CCNY: variants seen among roughly 807,000 people sequenced by gnomAD.
CCNY encodes the protein cyclin-Y.
A neutral mutation model predicts 42.8 loss-of-function variants in CCNY; 19 were observed. That is an observed-to-expected ratio of 0.44 (90% CI 0.31 to 0.65). The LOEUF is 0.65. CCNY is among the 30% of genes least tolerant of loss of function. The pLI is 0.07. For synonymous variants in CCNY, 165 were observed against 162.7 expected (o/e 1.01, Z -0.11); for missense variants, 370 against 437.3 (o/e 0.85, Z 1.37).
At chr10:35,490,714 G>T (rs1376345230) in intron 2 of CCNY, among the ~76,000 whole-genome samples, 1 of 152,238 alleles carries the variant, frequency 6.6e-6, no homozygotes, top group Non-Finnish European at 1.5e-5. Flanking sequence ...GCCACAGGAG[G>T]CTGGCAGGAG....
chr10:35,501,858 C>A (rs1290271745), intron 3 of CCNY, among the ~76,000 whole-genome samples: 1 of 152,184 alleles, frequency 6.6e-6, no homozygotes, highest in Non-Finnish European at 1.5e-5. Flanking sequence ...TCTCTACCCT[C>A]ACCCCCAAAT....
exon 3 of CCNY, chr10:35,250,525 T>C (rs886072357): frequency 3.3e-5 from 5 of 152,334 alleles, no homozygotes; most frequent in Admixed American, 1.3e-4. Context: ...ATTCTAGAAC[T>C]GCCGGGTGAA....
At chr10:35,280,914 A>C (rs532895087) in intron 3 of CCNY, among the ~76,000 whole-genome samples, 118 of 152,320 alleles carry the variant, frequency 7.7e-4, no homozygotes, top group Non-Finnish European at 1.4e-3. Flanking sequence ...AAAGACATAC[A>C]ATCTAAATAA....
At chr10:35,484,017 A>G (rs1396542498) in intron 2 of CCNY, among the ~76,000 whole-genome samples, 1 of 152,080 alleles carries the variant, frequency 6.6e-6, no homozygotes, top group Non-Finnish European at 1.5e-5. Context: ...GGTTCATCCC[A>G]GGTGTGTGTG....
intron 1 of CCNY, among the ~76,000 whole-genome samples, chr10:35,482,792 G>GTTA (rs1489577669): frequency 7.7e-6 from 1 of 130,430 alleles, no homozygotes; most frequent in African/African-American, 2.8e-5. Flanking sequence ...GTGTGTGTGT[G>GTTA]TGTGTGTGTT....
chr10:35,478,740 A>T (rs1201169464), intron 1 of CCNY, among the ~76,000 whole-genome samples: 3 of 152,234 alleles, frequency 2.0e-5, no homozygotes, highest in Non-Finnish European at 4.4e-5. Context: ...CAAGGACTTC[A>T]TGTCTAAAAC....
Position 35,569,044 on chromosome 10 carries a change from T to G in CCNY, c.910-10T>G. The G allele has an allele frequency of 6.3e-7, 1 of 1,578,316 alleles. No individual in the cohort carries two copies. The highest frequency in any genetic ancestry group is 1.1e-5 in the South Asian group (1 of 90,394). ...CCGCCCTGACCCACACTGTCTTTCTTGCCCCTCAGGCCATCTCTCGCCTCT... is the reference window on the plus strand; with the variant it reads ...CCGCCCTGACCCACACTGTCTTTCTGGCCCCTCAGGCCATCTCTCGCCTCT... On this transcript the variant is annotated splice_polypyrimidine_tract_variant and intron_variant, in intron 9 of 9. Coordinates refer to ENST00000374704, the MANE Select transcript of CCNY (RefSeq NM_145012.6).
chr10:35,295,030 C>T (rs936999874), intron 3 of CCNY, among the ~76,000 whole-genome samples: 1 of 151,824 alleles, frequency 6.6e-6, no homozygotes, highest in Non-Finnish European at 1.5e-5. Flanking sequence ...CAGCTGGGAC[C>T]TGTAGTCCCA....
chr10:35,374,307 A>C (rs962489600), intron 1 of CCNY, among the ~76,000 whole-genome samples: 1 of 152,310 alleles, frequency 6.6e-6, no homozygotes, highest in East Asian at 1.9e-4. Context: ...CATTGTTTCC[A>C]GGTAGCCAAT....
chr10:35,568,418 G>A (rs147149587), intron 9 of CCNY, among the ~76,000 whole-genome samples: 136 of 152,360 alleles, frequency 8.9e-4, no homozygotes, highest in Admixed American at 2.9e-3. Flanking sequence ...CCCAGTGGCA[G>A]CCCTGGGAGA....
chr10:35,465,372 C>G (rs901397701), intron 1 of CCNY, among the ~76,000 whole-genome samples: 1 of 152,118 alleles, frequency 6.6e-6, no homozygotes, highest in Admixed American at 6.5e-5. Flanking sequence ...GAGGTCGTCA[C>G]GTATATTTCT....
rs554617472 is a variant in CCNY, at chr10:35,330,506, G to A, written c.-9+79880G>A. 1.6e-4 allele frequency among the ~76,000 whole-genome samples: 24 copies of A among 152,272 alleles called. No individual in the cohort carries two copies. In the South Asian group the frequency reaches 5.0e-3, roughly 32 times the overall value. ...AGGAAAACTGTCAACATGAATATAT[G>A]AAGCTCTTATCAATGAATAATACCA... On this transcript the variant is annotated intron_variant, in intron 3 of 11. Coordinates refer to the CCNY transcript ENST00000374706.
At chr10:35,344,938 G>T (rs1383910644) in intron 1 of CCNY, among the ~76,000 whole-genome samples, 1 of 152,192 alleles carries the variant, frequency 6.6e-6, no homozygotes, top group Non-Finnish European at 1.5e-5. Context: ...GTATTCCCTG[G>T]TGTATACGTG....
chr10:35,375,096 T>C (rs1837022602), intron 1 of CCNY, among the ~76,000 whole-genome samples: 1 of 152,182 alleles, frequency 6.6e-6, no homozygotes, highest in Admixed American at 6.5e-5. Context: ...GGACTTATAC[T>C]GTGTTAATTT....
Position 35,337,090 on chromosome 10 carries a change from C to T in CCNY, c.37C>T (p.Pro13Ser). The T allele has an allele frequency of 6.3e-7, 1 of 1,596,008 alleles. No individual in the cohort carries two copies. Among genetic ancestry groups the T allele is most frequent in the Non-Finnish European group, 8.5e-7 (1 of 1,173,134 alleles). Residue 13 changes from proline (P) to serine (S), a missense_variant, in exon 1 of 10, where the codon CCC becomes TCC. Physicochemically the swap from Pro to Ser is moderately conservative, Grantham distance 74. This residue lies in a region of CCNY where 136 missense variants were observed against 124.2 expected (regional missense o/e 1.09). Transcript: ENST00000374704. Reference sequence around the variant, plus strand: ...TACCTCGTGCTGCGTGTCGTCCAGTCCCAAGCTCCGGAGGAATGCCCACTC... The same window carrying T: ...TACCTCGTGCTGCGTGTCGTCCAGTTCCAAGCTCCGGAGGAATGCCCACTC... ...NTTSCCVSSS[P>S]KLRRNAHSRL...
upstream of CCNY, among the ~76,000 whole-genome samples, chr10:35,334,771 A>G (rs1217187828): frequency 6.6e-5 from 10 of 152,238 alleles, no homozygotes; most frequent in Non-Finnish European, 2.9e-5. Flanking sequence ...TTTGAGAGGG[A>G]GGGAAAGCAC....
At chr10:35,274,896 C>A (rs1312515301) in intron 3 of CCNY, among the ~76,000 whole-genome samples, 1 of 152,104 alleles carries the variant, frequency 6.6e-6, no homozygotes, top group African/African-American at 2.4e-5. Flanking sequence ...TTAGTTAAGA[C>A]TACTGCAGTC....
At chr10:35,303,713 G>GT (rs1426302631) in intron 3 of CCNY, among the ~76,000 whole-genome samples, 1 of 145,784 alleles carries the variant, frequency 6.9e-6, no homozygotes, top group East Asian at 2.1e-4. Context: ...GGAGGCGGAG[G>GT]TTGCGGTGAG....
intron 1 of CCNY, among the ~76,000 whole-genome samples, chr10:35,399,373 A>G (rs1475731913): frequency 4.7e-5 from 7 of 149,592 alleles, no homozygotes; most frequent in African/African-American, 1.5e-4. Flanking sequence ...TTGGGTGTCT[A>G]CTCCACTTTT....
Sources: allele counts gnomAD v4.1 joint callset (sites outside exome capture counted in the v4.1 genomes callset), GRCh38; gene constraint gnomAD v4.1.1; regional missense constraint gnomAD v4.1.1; transcripts MANE v1.5; gene names NCBI Gene and HGNC (gene_info 2026-07-23, HGNC 2026-07-21).